CYP39A1: variants seen among roughly 807,000 people sequenced by gnomAD.
CYP39A1 encodes the protein cytochrome P450 family 39 subfamily A member 1, also known as 24-hydroxycholesterol 7-alpha-hydroxylase.
A neutral mutation model predicts 58.1 loss-of-function variants in CYP39A1; 49 were observed. The observed-to-expected ratio is 0.84, with a 90% CI of 0.67 to 1.07. CYP39A1 has a LOEUF of 1.07. CYP39A1 is among the 50% of genes least tolerant of loss of function. CYP39A1 has a pLI of 0.00. For synonymous variants in CYP39A1, 209 were observed against 187.6 expected (o/e 1.11, Z -0.93); for missense variants, 531 against 539.4 (o/e 0.98, Z 0.16).
At chr6:46,607,141 A>C (rs1391065194) in intron 7 of CYP39A1, among the ~76,000 whole-genome samples, 1 of 152,156 alleles carries the variant, frequency 6.6e-6, no homozygotes, top group Non-Finnish European at 1.5e-5. Context: ...CTCAAAGACA[A>C]GAAGGGAATG....
intron 10 of CYP39A1, 66 bp downstream of exon 10, chr6:46,587,011 T>A (rs1772506519): frequency 9.2e-7 from 1 of 1,091,500 alleles, no homozygotes; most frequent in Non-Finnish European, 1.4e-6. Context: ...GCCAAAGTTG[T>A]TCCCCTCTGA....
At chr6:46,578,304 A>C (rs1452273080) in intron 10 of CYP39A1, among the ~76,000 whole-genome samples, 1 of 152,098 alleles carries the variant, frequency 6.6e-6, no homozygotes, top group African/African-American at 2.4e-5. Flanking sequence ...ACAGCACCAA[A>C]TGCCTACAAC....
At chr6:46,604,735 C>A (rs1377619746) in intron 7 of CYP39A1, among the ~76,000 whole-genome samples, 1 of 152,108 alleles carries the variant, frequency 6.6e-6, no homozygotes, top group Non-Finnish European at 1.5e-5. Context: ...TTTTTCATAA[C>A]TGAGTGAACT....
rs7760927 is a variant in CYP39A1 at position 46,586,388 on chromosome 6, T to C, written c.1250+689A>G. 2,375 of 983,568 alleles carry C rather than the reference T, an allele frequency of 2.4e-3. 39 individuals are homozygous for C. In the African/African-American group the frequency reaches 0.039, roughly 16 times the overall value. The allele number at this position is 983,568 out of a possible 1,614,324, so 60.9% of individuals were successfully genotyped here. A position where few individuals can be genotyped will look rare whatever the true frequency, so the allele number is the denominator to read the frequency against. ...CAATGAAGAAATGTGACATATTTAA[T>C]GTAGATTGTAAATTCTATGAAGTCA... On this transcript the variant is annotated intron_variant, in intron 10 of 11. Coordinates refer to ENST00000275016, the MANE Select transcript of CYP39A1 (RefSeq NM_016593.5).
At chr6:46,643,150 T>A (rs1189648904) in intron 1 of CYP39A1, among the ~76,000 whole-genome samples, 2 of 152,088 alleles carry the variant, frequency 1.3e-5, no homozygotes, top group Non-Finnish European at 2.9e-5. Flanking sequence ...TATGACCTTG[T>A]TGGGAAAAAA....
intron 10 of CYP39A1, among the ~76,000 whole-genome samples, chr6:46,582,446 G>A (rs937248179): frequency 6.6e-6 from 1 of 151,954 alleles, no homozygotes; most frequent in Non-Finnish European, 1.5e-5. Flanking sequence ...ATATATCATC[G>A]CCTTGCTATC....
chr6:46,560,878 G>T (rs897032186), intron 10 of CYP39A1, among the ~76,000 whole-genome samples: 2 of 152,060 alleles, frequency 1.3e-5, no homozygotes, highest in Non-Finnish European at 2.9e-5. Context: ...CAGGCCAAAA[G>T]GTAGAATAAT....
At chr6:46,628,668 T>C (rs1175825282) in intron 6 of CYP39A1, among the ~76,000 whole-genome samples, 2 of 152,084 alleles carry the variant, frequency 1.3e-5, no homozygotes, top group African/African-American at 2.4e-5. Flanking sequence ...GATATAGATA[T>C]ACTCTGGGCT....
intron 1 of CYP39A1, among the ~76,000 whole-genome samples, chr6:46,644,457 T>C (rs751191181): frequency 5.9e-5 from 9 of 152,070 alleles, no homozygotes; most frequent in Non-Finnish European, 5.9e-5. Context: ...GTTTTTGAGG[T>C]TGCAGTGAGC....
intron 8 of CYP39A1, among the ~76,000 whole-genome samples, chr6:46,595,578 T>C (rs1250542922): frequency 1.3e-5 from 2 of 151,892 alleles, no homozygotes; most frequent in African/African-American, 4.8e-5. Context: ...TTACCGGGGA[T>C]TGAAGGGTAA....
chr6:46,560,705 CATT>C (rs1484091841), intron 10 of CYP39A1, among the ~76,000 whole-genome samples: 1 of 152,008 alleles, frequency 6.6e-6, no homozygotes, highest in Non-Finnish European at 1.5e-5. Flanking sequence ...TAAGAGTCAT[CATT>C]ATTTAGACAA....
At chr6:46,625,089 T>G (rs1283426062) in intron 7 of CYP39A1, among the ~76,000 whole-genome samples, 2 of 152,106 alleles carry the variant, frequency 1.3e-5, no homozygotes, top group Non-Finnish European at 2.9e-5. Flanking sequence ...ACTTGAAAAC[T>G]GTGGACATTC....
chr6:46,635,625 T>TG (rs1775936047), intron 5 of CYP39A1, among the ~76,000 whole-genome samples: 2 of 152,184 alleles, frequency 1.3e-5, no homozygotes, highest in Non-Finnish European at 2.9e-5. Flanking sequence ...AATCAGGGTT[T>TG]GCTGCAGCTT....
intron 10 of CYP39A1, among the ~76,000 whole-genome samples, chr6:46,560,695 T>G (rs1770928026): frequency 6.6e-6 from 1 of 152,078 alleles, no homozygotes; most frequent in Non-Finnish European, 1.5e-5. Context: ...TTTATAAATA[T>G]AAGAGTCATC....
chr6:46,589,132 T>C (rs1271514766), intron 8 of CYP39A1, among the ~76,000 whole-genome samples: 1 of 152,142 alleles, frequency 6.6e-6, no homozygotes, highest in Non-Finnish European at 1.5e-5. Context: ...GGTTTACTTA[T>C]CCAAAGCATA....
chr6:46,582,091 T>C (rs1772163861), intron 10 of CYP39A1, among the ~76,000 whole-genome samples: 1 of 152,204 alleles, frequency 6.6e-6, no homozygotes, highest in Admixed American at 6.5e-5. Flanking sequence ...CTCCAGGATA[T>C]GTGCACACTC....
At chr6:46,643,930 T>C (rs530434344) in intron 1 of CYP39A1, among the ~76,000 whole-genome samples, 5 of 152,298 alleles carry the variant, frequency 3.3e-5, no homozygotes, top group South Asian at 2.1e-4. Flanking sequence ...TTAGAGATAA[T>C]TGTAGATTAT....
chr6:46,555,069 A>ACACG (rs1435863352), intron 10 of CYP39A1, among the ~76,000 whole-genome samples: 1 of 151,870 alleles, frequency 6.6e-6, no homozygotes, highest in African/African-American at 2.4e-5. Context: ...ACACACACAC[A>ACACG]CACACGCAAT....
chr6:46,564,390 T>G (rs1771166816), intron 10 of CYP39A1, among the ~76,000 whole-genome samples: 1 of 151,772 alleles, frequency 6.6e-6, no homozygotes, highest in Non-Finnish European at 1.5e-5. Context: ...GAGACGAGGT[T>G]TCACCATATT....
Sources: gnomAD v4.1 joint callset for allele counts (sites outside exome capture counted in the v4.1 genomes callset) on GRCh38, gnomAD v4.1.1 for gene constraint, MANE v1.5 for transcripts, NCBI Gene and HGNC (gene_info 2026-07-23, HGNC 2026-07-21) for gene names.